REDIC1: variants seen among roughly 807,000 people sequenced by gnomAD.
The protein encoded by REDIC1 is HEI10 Interacting Protein 1.
the REDIC1 span, among the ~76,000 whole-genome samples, chr12:39,677,729 T>A: frequency 6.6e-6 from 1 of 152,076 alleles, no homozygotes; most frequent in Non-Finnish European, 1.5e-5. Context: ...AAACACAAAT[T>A]ATATCAAGTA....
the REDIC1 span, among the ~76,000 whole-genome samples, chr12:39,899,454 A>G: frequency 1.3e-5 from 2 of 152,006 alleles, no homozygotes; most frequent in African/African-American, 2.4e-5. Flanking sequence ...TTAACTTTTT[A>G]AAGGGTTTTT....
At chr12:39,838,931 G>A in the REDIC1 span, among the ~76,000 whole-genome samples, 1 of 152,072 alleles carries the variant, frequency 6.6e-6, no homozygotes, top group Admixed American at 6.6e-5. Context: ...TCTCTAGAAT[G>A]CCCTAAATTT....
chr12:39,722,356 C>G, the REDIC1 span, among the ~76,000 whole-genome samples: 1 of 152,044 alleles, frequency 6.6e-6, no homozygotes, highest in Non-Finnish European at 1.5e-5. Context: ...ATGATCAACT[C>G]ATGGAAGGGG....
chr12:39,737,034 CTG>C, the REDIC1 span: 1 of 152,208 alleles, frequency 6.6e-6, no homozygotes, highest in African/African-American at 2.4e-5. Flanking sequence ...GGACCTTTAA[CTG>C]TCTTATTCTC....
At chr12:39,853,505 C>T in the REDIC1 span, among the ~76,000 whole-genome samples, 1 of 152,062 alleles carries the variant, frequency 6.6e-6, no homozygotes, top group Non-Finnish European at 1.5e-5. Context: ...CTAGTCCTCT[C>T]ACTTCTAAGC....
chr12:39,708,283 T>C, the REDIC1 span, among the ~76,000 whole-genome samples: 4 of 151,834 alleles, frequency 2.6e-5, no homozygotes, highest in African/African-American at 9.7e-5. Flanking sequence ...CATAAATATA[T>C]ATGCCTACTA....
chr12:39,691,353 G>A, the REDIC1 span, among the ~76,000 whole-genome samples: 2 of 152,102 alleles, frequency 1.3e-5, no homozygotes, highest in South Asian at 4.1e-4. Flanking sequence ...AACAGAGAAT[G>A]TATAGAAAAA....
At chr12:39,811,963 T>C in the REDIC1 span, among the ~76,000 whole-genome samples, 2 of 152,242 alleles carry the variant, frequency 1.3e-5, no homozygotes, top group Non-Finnish European at 2.9e-5. Context: ...AGAGTTGGTT[T>C]AAATCTCTAA....
At chr12:39,899,026 C>T in the REDIC1 span, among the ~76,000 whole-genome samples, 1 of 151,948 alleles carries the variant, frequency 6.6e-6, no homozygotes, top group African/African-American at 2.4e-5. Flanking sequence ...CCCTCTTTTT[C>T]TATTGATTGG....
At chr12:39,833,886 T>A in the REDIC1 span, among the ~76,000 whole-genome samples, 2 of 146,028 alleles carry the variant, frequency 1.4e-5, no homozygotes. Context: ...CTCTGAAGCA[T>A]GGTCATAAAA....
At chr12:39,705,345 G>T in the REDIC1 span, among the ~76,000 whole-genome samples, 5 of 152,146 alleles carry the variant, frequency 3.3e-5, no homozygotes, top group South Asian at 4.1e-4. Flanking sequence ...AATAAAGCCT[G>T]GGACTTGAAG....
At chr12:39,640,849 T>TA in the REDIC1 span, 1 of 726,778 alleles carries the variant, frequency 1.4e-6, no homozygotes, top group East Asian at 2.7e-5. Flanking sequence ...GCAATGATAC[T>TA]ACACTTTTAG....
chr12:39,704,066 G>A, the REDIC1 span, among the ~76,000 whole-genome samples: 28 of 152,264 alleles, frequency 1.8e-4, no homozygotes, highest in Middle Eastern at 3.4e-3. Context: ...AGCCAAAATT[G>A]ACAAATGCGA....
At chr12:39,879,381 C>T in the REDIC1 span, among the ~76,000 whole-genome samples, 1 of 152,214 alleles carries the variant, frequency 6.6e-6, no homozygotes, top group Non-Finnish European at 1.5e-5. Flanking sequence ...CTGGAAAAGC[C>T]ATAGGCATTC....
chr12:39,864,722 C>A, the REDIC1 span: 1 of 1,598,288 alleles, frequency 6.3e-7, no homozygotes. Context: ...AAAAAGTTAC[C>A]AGAGTCATGT....
chr12:39,773,555 T>C, the REDIC1 span, among the ~76,000 whole-genome samples: 15 of 152,100 alleles, frequency 9.9e-5, no homozygotes, highest in African/African-American at 3.4e-4. Flanking sequence ...ATCTTTAGAG[T>C]TTCAAACCTA....
At chr12:39,632,051 G>GTATATA in the REDIC1 span, among the ~76,000 whole-genome samples, 21 of 148,700 alleles carry the variant, frequency 1.4e-4, no homozygotes, top group East Asian at 3.7e-3. Context: ...GTGTAAATTT[G>GTATATA]TATATATATA....
the REDIC1 span, among the ~76,000 whole-genome samples, chr12:39,678,629 C>CAAAAAAAAAAAAAAAAAAAAAAAAAAAA: frequency 1.0e-5 from 1 of 96,232 alleles, no homozygotes; most frequent in African/African-American, 4.0e-5. Context: ...AAAGGCATAA[C>CAAAAAAAAAAAAAAAAAAAAAAAAAAAA]AAAAAAAAAA....
the REDIC1 span, among the ~76,000 whole-genome samples, chr12:39,866,561 C>T: frequency 6.6e-6 from 1 of 152,030 alleles, no homozygotes; most frequent in Admixed American, 6.6e-5. Flanking sequence ...TCACTGCAGG[C>T]TCCGCCCCCC....
Sources: gnomAD v4.1 joint callset for allele counts (sites outside exome capture counted in the v4.1 genomes callset) on GRCh38, gnomAD v4.1.1 for gene constraint, MANE v1.5 for transcripts, NCBI Gene and HGNC (gene_info 2026-07-23, HGNC 2026-07-21) for gene names.